Variants in ZNF362 observed in about 807,000 individuals in gnomAD.
ZNF362 encodes the protein zinc finger protein 362.
Under a neutral mutation model 42.9 loss-of-function variants are expected in ZNF362, and 11 were observed. That is an observed-to-expected ratio of 0.26 (90% CI 0.16 to 0.42). ZNF362 has a LOEUF of 0.42. Ranked by LOEUF, ZNF362 falls within the 20% of genes least tolerant of loss-of-function variation. ZNF362 has a pLI of 1.00. For synonymous variants in ZNF362, 255 were observed against 257.3 expected (o/e 0.99, Z 0.09); for missense variants, 362 against 576.2 (o/e 0.63, Z 3.81).
At chr1:33,192,979 CCA>C in the ZNF362 span, among the ~76,000 whole-genome samples, 7 of 139,808 alleles carry the variant, frequency 5.0e-5, no homozygotes, top group African/African-American at 1.8e-4. Flanking sequence ...GTCTCTCTCT[CCA>C]CACACACACA....
chr1:33,237,416 G>C, the ZNF362 span, among the ~76,000 whole-genome samples: 2 of 152,124 alleles, frequency 1.3e-5, no homozygotes, highest in Admixed American at 1.3e-4. Flanking sequence ...GTCTCTTTCT[G>C]TGTGTCAGCA....
the ZNF362 span, among the ~76,000 whole-genome samples, chr1:33,145,212 G>T: frequency 0.021 from 3,171 of 152,304 alleles, 92 homozygotes; most frequent in African/African-American, 0.072. Flanking sequence ...GCACTTGCCA[G>T]CATGGGATAT....
At position 33,276,547 on chromosome 1, in the gene ZNF362, A is replaced by G; in HGVS notation, c.302A>G (p.Gln101Arg). ...VPGLHPQAVPQPDVALHARPA... is the reference protein window; with the variant it reads ...VPGLHPQAVPRPDVALHARPA... The stretch of plus-strand genomic sequence containing the variant: ...GGGCTGCATCCACAGGCGGTGCCGC[A>G]GCCCGACGTGGCGCTGCACGCACGG... The change falls in exon 4 of 9, where the codon CAG becomes CGG. Residue 101 changes from glutamine (Q) to arginine (R), a missense_variant. Gln to Arg is a conservative substitution (Grantham distance 43). Transcript: ENST00000539719. The G allele has an allele frequency of 6.7e-7, 1 of 1,490,390 alleles. No individual in the cohort carries two copies. Among genetic ancestry groups the G allele is most frequent in the Non-Finnish European group, 8.9e-7 (1 of 1,124,718 alleles). 92.3% of individuals were successfully genotyped at this position (1,490,390 alleles called of 1,614,324 possible). A position where few individuals can be genotyped will look rare whatever the true frequency, so the allele number is the denominator to read the frequency against.
the ZNF362 span, among the ~76,000 whole-genome samples, chr1:33,214,472 A>G: frequency 6.6e-6 from 1 of 152,246 alleles, no homozygotes; most frequent in South Asian, 2.1e-4. Flanking sequence ...AGGCACAGAC[A>G]ACCAAAGCAA....
At chr1:33,138,580 C>G in the ZNF362 span, among the ~76,000 whole-genome samples, 2 of 149,568 alleles carry the variant, frequency 1.3e-5, no homozygotes, top group South Asian at 4.2e-4. Flanking sequence ...CCACTGCATT[C>G]CAGTCTGGGT....
the ZNF362 span, among the ~76,000 whole-genome samples, chr1:33,138,629 A>C: frequency 8.7e-4 from 121 of 139,702 alleles, no homozygotes; most frequent in East Asian, 3.9e-3. Flanking sequence ...ACAACAACAA[A>C]AAAAAAAAAA....
chr1:33,205,339 G>A, the ZNF362 span, among the ~76,000 whole-genome samples: 108,495 of 151,794 alleles, frequency 0.71, 39,145 homozygotes, highest in Non-Finnish European at 0.76. Flanking sequence ...TAAAAAGTTA[G>A]CCAGGCATGG....
chr1:33,184,842 A>G, the ZNF362 span, among the ~76,000 whole-genome samples: 1 of 152,140 alleles, frequency 6.6e-6, no homozygotes, highest in Non-Finnish European at 1.5e-5. Context: ...GCACAGTGGC[A>G]TGATCTTGGC....
At chr1:33,181,369 C>G in the ZNF362 span, 2 of 1,599,274 alleles carry the variant, frequency 1.3e-6, no homozygotes, top group East Asian at 2.3e-5. This position sits in a 1 kb window ranked among gnomAD's most constrained non-coding sequence, Gnocchi z 6.5. Flanking sequence ...CCCAGGCTCA[C>G]CGGGTCCTGG....
Position 33,294,926 on chromosome 1 carries a change from G to T in ZNF362, c.909-11G>T, listed in dbSNP as rs767826743. ...TCAGGGACTTCGACCTTACTGGGCT[G>T]CCCATTACAGAATCCACACAGGCGA... On this transcript the variant is annotated splice_polypyrimidine_tract_variant and intron_variant, in intron 6 of 8. Coordinates refer to ENST00000539719, the MANE Select transcript of ZNF362 (RefSeq NM_152493.3). The surrounding 1 kb of genome is among the most constrained non-coding windows in gnomAD (Gnocchi z 4.2). 34 of 1,613,958 alleles carry T rather than the reference G, an allele frequency of 2.1e-5. No individual in the cohort carries two copies. Among genetic ancestry groups the T allele is most frequent in the Admixed American group, 8.3e-5 (5 of 60,006 alleles).
the ZNF362 span, among the ~76,000 whole-genome samples, chr1:33,172,400 T>C: frequency 1.3e-5 from 2 of 151,428 alleles, no homozygotes; most frequent in South Asian, 4.2e-4. Context: ...GTCGGGGTGG[T>C]TGGGGATGGC....
At chr1:33,221,585 A>G in the ZNF362 span, among the ~76,000 whole-genome samples, 21 of 152,338 alleles carry the variant, frequency 1.4e-4, no homozygotes, top group African/African-American at 4.8e-4. Context: ...GCAAGTATAT[A>G]TTTGTAATCA....
At chr1:33,239,370 T>C in the ZNF362 span, among the ~76,000 whole-genome samples, 1 of 152,148 alleles carries the variant, frequency 6.6e-6, no homozygotes, top group Non-Finnish European at 1.5e-5. Flanking sequence ...CTGGTACATA[T>C]ACTCACATGG....
the ZNF362 span, chr1:33,163,727 G>A: frequency 6.6e-6 from 1 of 152,298 alleles, no homozygotes; most frequent in Non-Finnish European, 1.5e-5. Flanking sequence ...CCTGAGGAGG[G>A]AGATCAGACA....
the ZNF362 span, among the ~76,000 whole-genome samples, chr1:33,147,922 C>T: frequency 4.6e-5 from 7 of 152,316 alleles, no homozygotes; most frequent in South Asian, 1.2e-3. This position sits in a 1 kb window ranked among gnomAD's most constrained non-coding sequence, Gnocchi z 8.1. Context: ...GGTTAAGGTC[C>T]TTCCAGATAT....
At chr1:33,189,723 A>ATATATATATATATATATATG in the ZNF362 span, among the ~76,000 whole-genome samples, 1 of 106,640 alleles carries the variant, frequency 9.4e-6, no homozygotes, top group East Asian at 2.9e-4. Flanking sequence ...ATATATACAT[A>ATATATATATATATATATATG]CACACATACA....
At chr1:33,200,485 A>T in the ZNF362 span, 1 of 152,172 alleles carries the variant, frequency 6.6e-6, no homozygotes, top group African/African-American at 2.4e-5. Context: ...AGATTTAAAT[A>T]CTCCAATTAA....
chr1:33,165,392 T>C, the ZNF362 span: 14 of 1,142,150 alleles, frequency 1.2e-5, no homozygotes, highest in Middle Eastern at 3.0e-4. This position sits in a 1 kb window ranked among gnomAD's most constrained non-coding sequence, Gnocchi z 4.0. Flanking sequence ...GCCCCGCCCC[T>C]CTTCCCCAGC....
the ZNF362 span, among the ~76,000 whole-genome samples, chr1:33,223,630 C>T: frequency 2.6e-5 from 4 of 152,038 alleles, no homozygotes; most frequent in Admixed American, 1.3e-4. Flanking sequence ...TGGTGGCTCA[C>T]GCCTGTAATC....
Sources: gnomAD v4.1 joint callset for allele counts (sites outside exome capture counted in the v4.1 genomes callset) on GRCh38, gnomAD v4.1.1 for gene constraint, Gnocchi (gnomAD v3.1) non-coding constraint, MANE v1.5 for transcripts, NCBI Gene and HGNC (gene_info 2026-07-23, HGNC 2026-07-21) for gene names.